The following SDK2 variants were observed in gnomAD, a reference collection of about 807,000 sequenced individuals.
SDK2 encodes the protein sidekick cell adhesion molecule 2, also known as protein sidekick-2.
SDK2 carries 105 observed loss-of-function variants against 253.9 expected under a neutral mutation model. The observed-to-expected ratio is 0.41, with a 90% CI of 0.35 to 0.49. The LOEUF (loss-of-function observed/expected upper bound fraction) is 0.49. SDK2 is among the 20% of genes least tolerant of loss of function. SDK2 has a pLI of 0.06. For missense variants in SDK2, 2,608 were observed against 3,003.0 expected, an observed-to-expected ratio of 0.87 and a Z score of 3.07; for synonymous variants, 1,249 against 1,234.9, an observed-to-expected ratio of 1.01 and a Z score of -0.24.
At chr17:73,353,523 C>A (rs1004092669) in intron 40 of SDK2, among the ~76,000 whole-genome samples, 14 of 152,042 alleles carry the variant, frequency 9.2e-5, no homozygotes, top group African/African-American at 2.7e-4. Flanking sequence ...CGAGTTCAAG[C>A]GATTCTCCTG....
intron 1 of SDK2, among the ~76,000 whole-genome samples, chr17:73,610,193 G>A (rs1435143981): frequency 6.6e-6 from 1 of 152,206 alleles, no homozygotes; most frequent in Non-Finnish European, 1.5e-5. Context: ...CTCCCTGAAA[G>A]TATACCCTAA....
chr17:73,350,092 T>C, intron 43 of SDK2, 145 bp downstream of exon 43: 1 of 436,556 alleles, frequency 2.3e-6, no homozygotes, highest in Admixed American at 6.1e-5. Context: ...TTTCTGCTGA[T>C]CGTTCCCAGC....
At chr17:73,424,572 GGTCA>G (rs2063264104) in intron 12 of SDK2, among the ~76,000 whole-genome samples, 1 of 152,122 alleles carries the variant, frequency 6.6e-6, no homozygotes, top group Admixed American at 6.5e-5. Flanking sequence ...CTTTAGCTTC[GGTCA>G]GTCAATACAA....
intron 12 of SDK2, among the ~76,000 whole-genome samples, chr17:73,427,810 G>A (rs1177215807): frequency 2.6e-5 from 4 of 152,018 alleles, no homozygotes; most frequent in Non-Finnish European, 1.5e-5. Flanking sequence ...TTTTAAATAC[G>A]ACACCCAAGG....
intron 1 of SDK2, among the ~76,000 whole-genome samples, chr17:73,509,102 G>A (rs963015589): frequency 2.6e-5 from 4 of 152,154 alleles, no homozygotes; most frequent in East Asian, 3.8e-4. Context: ...TGGGCACCCC[G>A]ACCTTCAGGC....
chr17:73,548,091 C>A (rs1395700074), intron 1 of SDK2, among the ~76,000 whole-genome samples: 1 of 152,196 alleles, frequency 6.6e-6, no homozygotes, highest in Non-Finnish European at 1.5e-5. Flanking sequence ...AGGCCCCCCA[C>A]CTTTAACACG....
At chr17:73,353,319 G>A (rs1386153819) in intron 40 of SDK2, among the ~76,000 whole-genome samples, 1 of 152,166 alleles carries the variant, frequency 6.6e-6, no homozygotes, top group Non-Finnish European at 1.5e-5. Context: ...GACTGCCTAA[G>A]ACATTATCAT....
At chr17:73,567,449 G>A (rs1347545533) in intron 1 of SDK2, among the ~76,000 whole-genome samples, 1 of 152,276 alleles carries the variant, frequency 6.6e-6, no homozygotes, top group South Asian at 2.1e-4. Context: ...AAGCAAAAAC[G>A]TGGGGTTGAA....
At chr17:73,405,013 C>T (rs1422700850) in intron 18 of SDK2, among the ~76,000 whole-genome samples, 1 of 151,526 alleles carries the variant, frequency 6.6e-6, no homozygotes, top group African/African-American at 2.4e-5. Flanking sequence ...TCAGGCTATT[C>T]TAGGGGATAG....
intron 44 of SDK2, among the ~76,000 whole-genome samples, chr17:73,346,544 C>A (rs746433089): frequency 1.3e-5 from 2 of 152,120 alleles, no homozygotes; most frequent in Non-Finnish European, 2.9e-5. Flanking sequence ...CTGCCTGGTG[C>A]CCCCTTCTCC....
At chr17:73,421,406 C>T (rs1040841099) in intron 15 of SDK2, among the ~76,000 whole-genome samples, 4 of 152,126 alleles carry the variant, frequency 2.6e-5, no homozygotes, top group African/African-American at 7.2e-5. Flanking sequence ...GCTTTGCGCA[C>T]GTGATTTGTA....
chr17:73,572,178 G>A (rs148352070), intron 1 of SDK2, among the ~76,000 whole-genome samples: 1 of 152,288 alleles, frequency 6.6e-6, no homozygotes, highest in Non-Finnish European at 1.5e-5. Flanking sequence ...AAATCCTGTT[G>A]AGGGTCCCAA....
In SDK2 at chr17:73,618,739, G is replaced by A. The variant is rs566829044; in HGVS notation, c.64+25286C>T. On this transcript the variant is annotated intron_variant, in intron 1 of 44. Transcript: ENST00000392650. The surrounding 1 kb of genome is among the most constrained non-coding windows in gnomAD (Gnocchi z 4.1). ...CCCCGATCACCCCTGCCATCCTCAC[G>A]GCCAAGGAAAGCAATGCCAGGAATA... is the stretch of plus-strand genomic sequence containing the variant. Among the ~76,000 whole-genome samples, 11 of 152,156 alleles carry A rather than the reference G, an allele frequency of 7.2e-5. No homozygotes were observed. Among genetic ancestry groups the A allele is most frequent in the Non-Finnish European group, 1.5e-4 (10 of 68,030 alleles).
At chr17:73,623,975 G>A (rs1332234512) in intron 1 of SDK2, among the ~76,000 whole-genome samples, 1 of 152,210 alleles carries the variant, frequency 6.6e-6, no homozygotes, top group African/African-American at 2.4e-5. Context: ...ACAAAGCAGG[G>A]CCTCCGGGTT....
chr17:73,338,786 G>A lies in SDK2; in HGVS notation c.6320C>T (p.Ser2107Leu), dbSNP rs763825053. ...GACGGTGGTGTGGTCTGGCTCACCC[G>A]AGTCGCTCTCCGTGTAGCTGTAGGC... ...AQAYSYTESD[S>L]GEPDHTTVTN... Residue 2107 changes from serine (S) to leucine (L), a missense_variant, in exon 45 of 45, where the codon TCG (serine) becomes TTG (leucine). By Grantham distance (145) the Ser-to-Leu change is moderately radical. Around this residue, in one of 2 missense-constraint regions of SDK2, gnomAD observed 1,103 missense variants for 1,143.9 expected, o/e 0.96. Transcript: ENST00000392650. The surrounding 1 kb of genome is among the most constrained non-coding windows in gnomAD (Gnocchi z 5.0). 2.5e-5 allele frequency: 40 copies of A among 1,613,810 alleles called. No homozygotes were observed. Among genetic ancestry groups the A allele is most frequent in the Non-Finnish European group, 3.0e-5 (35 of 1,179,878 alleles).
At position 73,405,517 on chromosome 17, in the gene SDK2, T is replaced by TATATATAAATAA. The variant is rs750250733; in HGVS notation, c.2485-3377_2485-3376insTTATTTATATAT. Among the ~76,000 whole-genome samples, 84 of 66,142 alleles carry TATATATAAATAA rather than the reference T, an allele frequency of 1.3e-3. 14 individuals carry two copies. Among genetic ancestry groups the TATATATAAATAA allele is most frequent in the East Asian group, 2.2e-3 (4 of 1,804 alleles). The allele number at this position is 66,142 out of a possible 152,430, so 43.4% of individuals were successfully genotyped here. A position where few individuals can be genotyped will look rare whatever the true frequency, so the allele number is the denominator to read the frequency against. On this transcript the variant is annotated intron_variant, in intron 18 of 44. Coordinates refer to ENST00000392650, the MANE Select transcript of SDK2 (RefSeq NM_001144952.2). Reference sequence around the variant, plus strand: ...ATATATATATATATATATATATATATAAAGATCGAGAATGTGGAAAGTACA... The same window carrying TATATATAAATAA: ...ATATATATATATATATATATATATATATATATAAATAAAAAGATCGAGAATGTGGAAAGTACA...
rs1229821329 is a variant in SDK2, at chr17:73,455,303, G to A, written c.479+603C>T. Among the ~76,000 whole-genome samples the A allele has an allele frequency of 2.6e-5, 4 of 152,176 alleles. No individual in the cohort carries two copies. Among genetic ancestry groups the A allele is most frequent in the Non-Finnish European group, 5.9e-5 (4 of 68,016 alleles). On this transcript the variant is annotated intron_variant, in intron 4 of 44. Coordinates refer to ENST00000392650, the MANE Select transcript of SDK2 (RefSeq NM_001144952.2). This position sits in a 1 kb window ranked among gnomAD's most constrained non-coding sequence, Gnocchi z 5.0. ...TGCTTTGTTGCTCGCCTTCTGCGGA[G>A]GTGTGGGGTGTTGGCTCCATCCTCC... is the stretch of plus-strand genomic sequence containing the variant.
chr17:73,486,986 T>G (rs1466264137), intron 2 of SDK2, among the ~76,000 whole-genome samples: 4 of 152,102 alleles, frequency 2.6e-5, no homozygotes, highest in East Asian at 3.9e-4. Flanking sequence ...CAGGCTGGAG[T>G]GCAATGGCGC....
intron 1 of SDK2, chr17:73,521,097 G>A (rs2064075503): frequency 6.7e-6 from 1 of 150,134 alleles, no homozygotes. Flanking sequence ...CGGGAGTGTG[G>A]TGGTGCAATC....
Sources: allele counts gnomAD v4.1 joint callset (sites outside exome capture counted in the v4.1 genomes callset), GRCh38; gene constraint gnomAD v4.1.1; regional missense constraint gnomAD v4.1.1; non-coding constraint Gnocchi (gnomAD v3.1); transcripts MANE v1.5; gene names NCBI Gene and HGNC (gene_info 2026-07-23, HGNC 2026-07-21).